The following UGT1A10 variants were observed in gnomAD, a reference collection of about 807,000 sequenced individuals.
The protein encoded by UGT1A10 is UDP-glucuronosyltransferase 1A10.
UGT1A10 carries 49 observed loss-of-function variants against 45.8 expected under a neutral mutation model. That is an observed-to-expected ratio of 1.07 (90% CI 0.85 to 1.36). UGT1A10 has a LOEUF of 1.36. Among genes scored for constraint, UGT1A10 ranks in the 40% most tolerant of loss-of-function variants. The pLI, the probability that UGT1A10 is intolerant of heterozygous loss-of-function variation, is 0.00. For synonymous variants in UGT1A10, 284 were observed against 249.7 expected (o/e 1.14, Z -1.29); for missense variants, 745 against 668.6 (o/e 1.11, Z -1.26).
intron 1 of UGT1A10, among the ~76,000 whole-genome samples, chr2:233,706,344 A>G (rs1211445114): frequency 6.6e-6 from 1 of 152,332 alleles, no homozygotes; most frequent in East Asian, 1.9e-4. Flanking sequence ...GTGACCCTGA[A>G]AAAACATTCT....
chr2:233,692,069 G>A (rs561422627), intron 1 of UGT1A10: 5 of 151,060 alleles, frequency 3.3e-5, no homozygotes, highest in Admixed American at 6.6e-5. Context: ...GAAGAAAGGA[G>A]AGAGAGATTG....
chr2:233,649,631 T>A (rs996173571), intron 1 of UGT1A10, among the ~76,000 whole-genome samples: 8 of 152,242 alleles, frequency 5.3e-5, no homozygotes, highest in Non-Finnish European at 1.0e-4. Context: ...GACATGTTCT[T>A]TTAATAATTG....
At chr2:233,656,040 C>T (rs927655543) in intron 1 of UGT1A10, among the ~76,000 whole-genome samples, 3 of 152,080 alleles carry the variant, frequency 2.0e-5, no homozygotes, top group African/African-American at 7.2e-5. Context: ...ATACCAGAGA[C>T]AGGCCCTTGA....
At chr2:233,681,720 G>A (rs2074536062) in intron 1 of UGT1A10, among the ~76,000 whole-genome samples, 1 of 152,092 alleles carries the variant, frequency 6.6e-6, no homozygotes, top group Non-Finnish European at 1.5e-5. Context: ...CAAAGATGAT[G>A]AGTTACTCTT....
At position 233,637,098 on chromosome 2, in the gene UGT1A10, T is replaced by G; in HGVS notation, c.576T>G (p.Asn192Lys). The change falls in exon 1 of 5, where the codon AAT (asparagine) becomes AAG (lysine). Residue 192 changes from asparagine (N) to lysine (K), a missense_variant. Asn to Lys is a moderately conservative substitution (Grantham distance 94, BLOSUM62 0). Transcript: ENST00000344644. Reference sequence around the variant, plus strand: ...CTGCTCCTCTTTCCTATGTCCCCAATGATCTCTTAGGGTTCTCAGATGCCA... The same window carrying G: ...CTGCTCCTCTTTCCTATGTCCCCAAGGATCTCTTAGGGTTCTCAGATGCCA... Reference protein sequence around the residue: ...QCPAPLSYVPNDLLGFSDAMT... With the variant: ...QCPAPLSYVPKDLLGFSDAMT... 3.7e-6 allele frequency: 6 copies of G among 1,613,926 alleles called. No homozygotes were observed. Among genetic ancestry groups the G allele is most frequent in the Non-Finnish European group, 5.1e-6 (6 of 1,179,834 alleles).
chr2:233,754,656 T>C (rs776841418), intron 1 of UGT1A10: 5 of 458,568 alleles, frequency 1.1e-5, no homozygotes. Flanking sequence ...AATGATTCTC[T>C]TGGTGGTGAT....
chr2:233,693,847 G>A, intron 1 of UGT1A10: 2 of 1,614,212 alleles, frequency 1.2e-6, no homozygotes, highest in Non-Finnish European at 1.7e-6. Flanking sequence ...ACTGTAAGAA[G>A]AGGAAAGACT....
Position 233,718,901 on chromosome 2 carries a change from G to T in UGT1A10, c.856-48133G>T, listed in dbSNP as rs377204506. On this transcript the variant is annotated intron_variant, in intron 1 of 4. Coordinates refer to ENST00000344644, the MANE Select transcript of UGT1A10 (RefSeq NM_019075.4). Reference sequence around the variant, plus strand: ...TCCTCAGTGTCCAGCCCTGGGCTGAGAGTGGAAAGGTGTTGGTGGTGCCCA... The same window carrying T: ...TCCTCAGTGTCCAGCCCTGGGCTGATAGTGGAAAGGTGTTGGTGGTGCCCA... The T allele has an allele frequency of 2.5e-6, 4 of 1,613,936 alleles. No individual in the cohort carries two copies. The South Asian group carries it at 4.4e-5, about 18-fold the overall frequency.
intron 1 of UGT1A10, chr2:233,747,294 G>A (rs1361092863): frequency 6.2e-7 from 1 of 1,601,846 alleles, no homozygotes; most frequent in African/African-American, 1.3e-5. Flanking sequence ...CCTGGGCTGA[G>A]AGTGGGAAGG....
chr2:233,731,462 C>T (rs1354411631), intron 1 of UGT1A10, among the ~76,000 whole-genome samples: 13 of 152,008 alleles, frequency 8.6e-5, no homozygotes, highest in African/African-American at 2.4e-4. Context: ...CAGGCCCTGG[C>T]GTGTGATGTT....
chr2:233,772,593 C>A lies in UGT1A10; in HGVS notation c.*34C>A. The A allele has an allele frequency of 2.5e-6, 4 of 1,598,604 alleles. No individual in the cohort carries two copies. Among genetic ancestry groups the A allele is most frequent in the Non-Finnish European group, 3.4e-6 (4 of 1,171,794 alleles). On this transcript the variant is annotated 3_prime_UTR_variant, in exon 5 of 5. Transcript: ENST00000344644. The stretch of plus-strand genomic sequence containing the variant: ...TGGGAAATAAGGTAAAATTTTGAAC[C>A]ATTCCCTAGTCATTTCCAAACTTGA...
chr2:233,689,167 T>C (rs1483008187), intron 1 of UGT1A10, among the ~76,000 whole-genome samples: 1 of 152,216 alleles, frequency 6.6e-6, no homozygotes, highest in African/African-American at 2.4e-5. Flanking sequence ...CCTTATCTTC[T>C]ACTAGGACAG....
At chr2:233,766,983 C>T (rs1040066735) in intron 1 of UGT1A10, 51 bp from the exon 2 acceptor site, 20 of 1,612,672 alleles carry the variant, frequency 1.2e-5, no homozygotes, top group Non-Finnish European at 1.7e-5. Flanking sequence ...TGTATGTAGT[C>T]ATCAAAGAAT....
At chr2:233,728,696 G>T (rs930449968) in intron 1 of UGT1A10, among the ~76,000 whole-genome samples, 26 of 152,206 alleles carry the variant, frequency 1.7e-4, no homozygotes, top group African/African-American at 6.3e-4. Context: ...TCAAGGGTTA[G>T]CAAATAGGGT....
At chr2:233,747,365 C>T (rs954513567) in intron 1 of UGT1A10, 1 of 1,604,254 alleles carries the variant, frequency 6.2e-7, no homozygotes, top group Non-Finnish European at 8.5e-7. Context: ...TGCGGGAGCT[C>T]CATGCCAGAG....
chr2:233,680,751 A>G (rs1160156063), intron 1 of UGT1A10, among the ~76,000 whole-genome samples: 5 of 152,156 alleles, frequency 3.3e-5, no homozygotes, highest in African/African-American at 1.2e-4. Flanking sequence ...GAAACAATAC[A>G]TAGATTCCTG....
Position 233,636,475 on chromosome 2 carries a change from T to A in UGT1A10, c.-48T>A. On this transcript the variant is annotated 5_prime_UTR_variant, in exon 1 of 5. Transcript: ENST00000344644. ...GCCTGTACTTCTTCCGCCTACTGTA[T>A]CATAGCAGCTTAGAATCCCAGCTGC... is the stretch of plus-strand genomic sequence containing the variant. 6.3e-7 allele frequency: 1 copy of A among 1,582,512 alleles called. No homozygotes were observed. The highest frequency in any genetic ancestry group is 8.6e-7 in the Non-Finnish European group (1 of 1,162,948).
chr2:233,713,198 C>T, intron 1 of UGT1A10: 4 of 1,614,218 alleles, frequency 2.5e-6, no homozygotes, highest in Non-Finnish European at 3.4e-6. Context: ...ATATGTACAT[C>T]AAAGAAGAGA....
Position 233,720,581 on chromosome 2 carries a change from A to G in UGT1A10, c.856-46453A>G, listed in dbSNP as rs181667359. On this transcript the variant is annotated intron_variant, in intron 1 of 4. Transcript: ENST00000344644. ...AGTGGGATCTATTCTTTTTCCAAAA[A>G]TTTCAGAGGTGACTTTCATTAATAC... Among the ~76,000 whole-genome samples, 178 of 152,248 alleles carry G rather than the reference A, an allele frequency of 1.2e-3. 1 individual carries two copies. The highest frequency in any genetic ancestry group is 5.3e-3 in the Admixed American group (81 of 15,296).
Sources: allele counts gnomAD v4.1 joint callset (sites outside exome capture counted in the v4.1 genomes callset), GRCh38; gene constraint gnomAD v4.1.1; transcripts MANE v1.5; gene names NCBI Gene and HGNC (gene_info 2026-07-23, HGNC 2026-07-21).